Variants in CELF4 observed in about 807,000 individuals in gnomAD.
CELF4 encodes the protein CUG-BP- and ETR-3-like factor 4.
Under a neutral mutation model 59.9 loss-of-function variants are expected in CELF4, and 18 were observed. The observed-to-expected ratio is 0.30, with a 90% CI of 0.21 to 0.45. The LOEUF is 0.45. Ranked by LOEUF, CELF4 falls within the 20% of genes least tolerant of loss-of-function variation. The pLI is 1.00. For synonymous variants in CELF4, 261 were observed against 267.1 expected, an observed-to-expected ratio of 0.98 and a Z score of 0.22; for missense variants, 456 against 689.0, an observed-to-expected ratio of 0.66 and a Z score of 3.79.
chr18:37,422,140 C>A (rs1335908256), intron 2 of CELF4, among the ~76,000 whole-genome samples: 1 of 152,148 alleles, frequency 6.6e-6, no homozygotes. Flanking sequence ...GGCGACTTCT[C>A]CCAGGAGATC....
intron 1 of CELF4, 168 bp from the exon 2 acceptor site, chr18:37,485,775 G>T: frequency 2.5e-6 from 1 of 392,930 alleles, no homozygotes; most frequent in East Asian, 3.7e-5. Context: ...GCCTCTCGGT[G>T]TTCCCGGCTG....
In CELF4 at chr18:37,395,443, G is replaced by A. The variant is rs553384670; in HGVS notation, c.370-73562C>T. On this transcript the variant is annotated intron_variant, in intron 2 of 12. Transcript: ENST00000420428. ...TCTGTATCCTCCCCGTTCCTGCGCCGCACACTTCATGCATAGCAGGTGCTC... is the reference window on the plus strand; with the variant it reads ...TCTGTATCCTCCCCGTTCCTGCGCCACACACTTCATGCATAGCAGGTGCTC... 5.9e-5 allele frequency among the ~76,000 whole-genome samples: 9 copies of A among 152,248 alleles called. No individual in the cohort carries two copies. In the South Asian group the frequency reaches 6.2e-4, roughly 11 times the overall value.
rs1331125816 is a variant in CELF4 at position 37,270,770 on chromosome 18, G to T, written c.1097C>A (p.Pro366Gln). The T allele has an allele frequency of 6.2e-7, 1 of 1,613,964 alleles. No individual in the cohort carries two copies. The highest frequency in any genetic ancestry group is 8.5e-7 in the Non-Finnish European group (1 of 1,179,980). ...AVFANGIHPY[P>Q]AQSPTAADPL... is the part of the protein sequence containing the mutation. Reference sequence around the variant, plus strand: ...TAAGTGCTGACAGATGTGCTTACCTGGGTAGGGGTGGATGCCATTGGCGAA... The same window carrying T: ...TAAGTGCTGACAGATGTGCTTACCTTGGTAGGGGTGGATGCCATTGGCGAA... Residue 366 changes from proline (P) to glutamine (Q), a missense_variant and splice_region_variant, in exon 8 of 13, where the codon CCA becomes CAA. Physicochemically the swap from Pro to Gln is moderately conservative, Grantham distance 76 (BLOSUM62 -1). Transcript: ENST00000420428.
chr18:37,279,050 C>T (rs1022775406), intron 3 of CELF4, among the ~76,000 whole-genome samples: 2 of 152,184 alleles, frequency 1.3e-5, no homozygotes, highest in African/African-American at 2.4e-5. Context: ...TCCATCCACA[C>T]AGCCCCTGAC....
At chr18:37,320,476 G>A (rs1408922459) in intron 3 of CELF4, among the ~76,000 whole-genome samples, 4 of 152,220 alleles carry the variant, frequency 2.6e-5, no homozygotes, top group Admixed American at 2.6e-4. Flanking sequence ...CATAGTGGGA[G>A]GAGGCTGGAG....
chr18:37,512,786 T>C (rs917539384), intron 1 of CELF4, among the ~76,000 whole-genome samples: 3 of 151,978 alleles, frequency 2.0e-5, no homozygotes, highest in African/African-American at 4.8e-5. Context: ...AGTCCTTCTA[T>C]ACTTTCTCCT....
rs754769340 is a variant in CELF4 at position 37,273,068 on chromosome 18, C to T, written c.897G>A (p.Met299Ile). 1 of 1,612,884 alleles carries T rather than the reference C, an allele frequency of 6.2e-7. No homozygotes were observed. Among genetic ancestry groups the T allele is most frequent in the East Asian group, 2.2e-5 (1 of 44,884 alleles). ...AAFAAAQMQQ[M>I]AALNMNGLAA... ...CCAGGCCATTCATGTTGAGGGCCGCCATCTGCTGCATCTGGGCGGCAGCGA... is the reference window on the plus strand; with the variant it reads ...CCAGGCCATTCATGTTGAGGGCCGCTATCTGCTGCATCTGGGCGGCAGCGA... The change falls in exon 7 of 13, where the codon ATG becomes ATA. Residue 299 changes from methionine to isoleucine, a missense_variant. Met to Ile is a conservative substitution (Grantham distance 10, BLOSUM62 1). Around this residue, in one of 7 missense-constraint regions of CELF4, gnomAD observed 256 missense variants for 340.8 expected, o/e 0.75. Coordinates refer to ENST00000420428, the MANE Select transcript of CELF4 (RefSeq NM_020180.4).
intron 1 of CELF4, 134 bp from the exon 2 acceptor site, chr18:37,485,741 G>A (rs1050563129): frequency 1.6e-5 from 7 of 428,876 alleles, no homozygotes; most frequent in Non-Finnish European, 2.0e-5. Flanking sequence ...TTTCTCTCCC[G>A]TGCACTGTTC....
rs972466882 is a variant in CELF4 at position 37,306,910 on chromosome 18, C to T, written c.448+14893G>A. On this transcript the variant is annotated intron_variant, in intron 3 of 12. Coordinates refer to ENST00000420428, the MANE Select transcript of CELF4 (RefSeq NM_020180.4). Reference sequence around the variant, plus strand: ...GGCGAGATTGCCGAAGCAAATTCTGCACTTGACAGGACAGCATCGCTTCAT... The same window carrying T: ...GGCGAGATTGCCGAAGCAAATTCTGTACTTGACAGGACAGCATCGCTTCAT... Among the ~76,000 whole-genome samples, 10 of 152,342 alleles carry T rather than the reference C, an allele frequency of 6.6e-5. No homozygotes were observed. The South Asian group carries it at 1.2e-3, about 19-fold the overall frequency.
intron 3 of CELF4, among the ~76,000 whole-genome samples, chr18:37,320,064 G>A (rs918121994): frequency 6.6e-6 from 1 of 151,506 alleles, no homozygotes. Context: ...CCAGCTGGGC[G>A]CGGTGGCTCA....
chr18:37,551,830 C>G (rs1291199389), intron 1 of CELF4, among the ~76,000 whole-genome samples: 1 of 152,192 alleles, frequency 6.6e-6, no homozygotes, highest in East Asian at 1.9e-4. Flanking sequence ...TTCGGAGTAA[C>G]AGCAACACAC....
chr18:37,356,116 C>T (rs988162988), intron 2 of CELF4, among the ~76,000 whole-genome samples: 16 of 152,122 alleles, frequency 1.1e-4, no homozygotes, highest in African/African-American at 3.4e-4. Flanking sequence ...AGTCCAGTGG[C>T]CAAGGAGAAT....
intron 2 of CELF4, among the ~76,000 whole-genome samples, chr18:37,347,770 G>A (rs752374450): frequency 6.6e-6 from 1 of 152,142 alleles, no homozygotes; most frequent in Non-Finnish European, 1.5e-5. Context: ...CCACACAGGG[G>A]GTTGCAGCAG....
At chr18:37,447,054 T>A (rs1354402081) in intron 2 of CELF4, among the ~76,000 whole-genome samples, 1 of 151,738 alleles carries the variant, frequency 6.6e-6, no homozygotes, top group East Asian at 1.9e-4. Flanking sequence ...AATGAGGAGA[T>A]GCAATAAAAT....
In CELF4 at chr18:37,519,154, C is replaced by T. The variant is rs143026611; in HGVS notation, c.287-33547G>A. Among the ~76,000 whole-genome samples, 759 of 152,304 alleles carry T rather than the reference C, an allele frequency of 5.0e-3. 8 individuals are homozygous for T. Among genetic ancestry groups the T allele is most frequent in the African/African-American group, 0.017 (723 of 41,570 alleles). The stretch of plus-strand genomic sequence containing the variant: ...AGCTGGGAATGCCCCTCCAACCCCA[C>T]CTGCTTTTCATTTCTTCCTGGATAC... On this transcript the variant is annotated intron_variant, in intron 1 of 12. Transcript: ENST00000420428.
chr18:37,271,906 G>A (rs948439), intron 7 of CELF4, among the ~76,000 whole-genome samples: 73,423 of 151,950 alleles, frequency 0.48, 18,226 homozygotes, highest in African/African-American at 0.55. Context: ...TGTACTGAAA[G>A]CCCAGAGGCT....
intron 2 of CELF4, among the ~76,000 whole-genome samples, chr18:37,415,227 G>A (rs747221466): frequency 6.6e-5 from 10 of 152,238 alleles, no homozygotes; most frequent in Non-Finnish European, 1.5e-4. Context: ...GGAGGGCAGG[G>A]GCCCTCTCTG....
intron 2 of CELF4, among the ~76,000 whole-genome samples, chr18:37,402,979 T>A (rs906170806): frequency 1.3e-5 from 2 of 152,190 alleles, no homozygotes; most frequent in Non-Finnish European, 2.9e-5. Context: ...GGGCCCCATG[T>A]GGCTTCTTGT....
At chr18:37,466,495 G>C (rs181261802) in intron 2 of CELF4, among the ~76,000 whole-genome samples, 13 of 152,252 alleles carry the variant, frequency 8.5e-5, no homozygotes, top group Admixed American at 5.9e-4. Context: ...GCCCATTCTA[G>C]GTCCCAGCAG....
Sources: gnomAD v4.1 joint callset for allele counts (sites outside exome capture counted in the v4.1 genomes callset) on GRCh38, gnomAD v4.1.1 for gene constraint, gnomAD v4.1.1 regional missense constraint, MANE v1.5 for transcripts, NCBI Gene and HGNC (gene_info 2026-07-23, HGNC 2026-07-21) for gene names.